Variants in ANKRD6 observed in about 807,000 individuals in gnomAD.
ANKRD6 encodes ankyrin repeat domain-containing protein 6.
A neutral mutation model predicts 82.3 loss-of-function variants in ANKRD6; 56 were observed. The ratio of observed to expected loss-of-function variants is 0.68; its 90% CI spans 0.55 to 0.85. The LOEUF (loss-of-function observed/expected upper bound fraction) is 0.85, where lower values mean the gene tolerates loss of function less well. ANKRD6 is among the 40% of genes least tolerant of loss of function. The pLI is 0.00. For synonymous variants in ANKRD6, 347 were observed against 352.1 expected (o/e 0.99, Z 0.16); for missense variants, 852 against 907.6 (o/e 0.94, Z 0.79).
At chr6:89,549,830 C>T (rs1785583731) in intron 1 of ANKRD6, among the ~76,000 whole-genome samples, 1 of 151,114 alleles carries the variant, frequency 6.6e-6, no homozygotes, top group Non-Finnish European at 1.5e-5. Context: ...TGCATAGAAA[C>T]ATCAGCTACA....
chr6:89,627,421 A>G (rs951082766), intron 13 of ANKRD6, among the ~76,000 whole-genome samples, 162 bp from the exon 14 acceptor site: 94 of 152,198 alleles, frequency 6.2e-4, no homozygotes, highest in African/African-American at 2.2e-3. Flanking sequence ...AGAATTCTGA[A>G]AGAGTTCCAT....
intron 1 of ANKRD6, among the ~76,000 whole-genome samples, chr6:89,542,938 G>T (rs1451429754): frequency 6.6e-6 from 1 of 152,156 alleles, no homozygotes; most frequent in Non-Finnish European, 1.5e-5. Flanking sequence ...TCTGTTTCTG[G>T]TCATTAAACA....
At chr6:89,518,421 G>A (rs1781490994) in intron 1 of ANKRD6, among the ~76,000 whole-genome samples, 1 of 151,094 alleles carries the variant, frequency 6.6e-6, no homozygotes, top group Non-Finnish European at 1.5e-5. Context: ...AAAAAAATAA[G>A]TATCTTATGA....
chr6:89,468,421 GT>G (rs1162751133), intron 1 of ANKRD6, among the ~76,000 whole-genome samples: 1 of 152,164 alleles, frequency 6.6e-6, no homozygotes, highest in Admixed American at 6.5e-5. Context: ...TGGTTAAGCT[GT>G]TTTTGATGGT....
At chr6:89,445,217 T>C (rs1224533614) in intron 1 of ANKRD6, among the ~76,000 whole-genome samples, 1 of 151,994 alleles carries the variant, frequency 6.6e-6, no homozygotes, top group Non-Finnish European at 1.5e-5. Flanking sequence ...CACTTTTTCT[T>C]TATTATTATG....
intron 7 of ANKRD6, among the ~76,000 whole-genome samples, chr6:89,614,572 G>A (rs2128225181): frequency 6.6e-6 from 1 of 152,274 alleles, no homozygotes; most frequent in East Asian, 1.9e-4. Context: ...CCTGAACCCA[G>A]GAGGCAGAGG....
chr6:89,476,282 TTC>T (rs1776026704), intron 1 of ANKRD6, among the ~76,000 whole-genome samples: 1 of 152,104 alleles, frequency 6.6e-6, no homozygotes, highest in Admixed American at 6.6e-5. Flanking sequence ...GCCTCCTGGG[TTC>T]AAGCAATTCT....
At chr6:89,456,285 A>C (rs1773499077) in intron 1 of ANKRD6, among the ~76,000 whole-genome samples, 1 of 152,202 alleles carries the variant, frequency 6.6e-6, no homozygotes, top group African/African-American at 2.4e-5. Flanking sequence ...GGAGGTGACA[A>C]ATATCGAACT....
intron 8 of ANKRD6, chr6:89,616,867 C>T (rs1321942452): frequency 3.0e-6 from 2 of 673,870 alleles, no homozygotes; most frequent in Non-Finnish European, 5.4e-6. Flanking sequence ...TTGGGGCCTG[C>T]TTTTAGCTGC....
At chr6:89,471,562 G>A (rs1775474880) in intron 1 of ANKRD6, among the ~76,000 whole-genome samples, 1 of 151,800 alleles carries the variant, frequency 6.6e-6, no homozygotes, top group South Asian at 2.1e-4. Flanking sequence ...AAAAGAATGT[G>A]GGAAAGAGTG....
Position 89,564,535 on chromosome 6 carries a change from A to C in ANKRD6, c.-143-2299A>C, listed in dbSNP as rs141581084. On this transcript the variant is annotated intron_variant, in intron 1 of 15. Coordinates refer to ENST00000339746, the MANE Select transcript of ANKRD6 (RefSeq NM_001242809.2). The stretch of plus-strand genomic sequence containing the variant: ...GTATCCAGGAGGCTGAATTCATTGC[A>C]TGGGACTGGAGGGTGGGAGGGGAGT... Among the ~76,000 whole-genome samples, 102 of 152,206 alleles carry C rather than the reference A, an allele frequency of 6.7e-4. 1 individual carries two copies. The highest frequency in any genetic ancestry group is 5.2e-3 in the East Asian group (27 of 5,166).
intron 1 of ANKRD6, among the ~76,000 whole-genome samples, chr6:89,453,451 T>A (rs1347754413): frequency 6.6e-6 from 1 of 152,226 alleles, no homozygotes; most frequent in Non-Finnish European, 1.5e-5. Flanking sequence ...TTCTTTTTTC[T>A]CATCATATAA....
intron 15 of ANKRD6, 175 bp downstream of exon 15, chr6:89,629,413 T>C (rs1247077703): frequency 1.2e-6 from 1 of 846,912 alleles, no homozygotes; most frequent in Non-Finnish European, 1.9e-6. Flanking sequence ...TCAGTTGCTA[T>C]GTAATAATAA....
intron 1 of ANKRD6, among the ~76,000 whole-genome samples, chr6:89,545,212 CAAAAAAAAAAAAAAAAAA>C (rs914778267): frequency 8.1e-5 from 7 of 86,370 alleles, no homozygotes; most frequent in African/African-American, 3.3e-4. Flanking sequence ...GACTCCATCT[CAAAAAAAAAAAAAAAAAA>C]GAAAAGAAAA....
intron 10 of ANKRD6, among the ~76,000 whole-genome samples, chr6:89,622,314 G>A (rs1471507117): frequency 3.9e-5 from 6 of 152,324 alleles, no homozygotes; most frequent in African/African-American, 1.2e-4. Flanking sequence ...CATGTCCTGC[G>A]GGTAGCACTG....
rs1780477113 is a variant in ANKRD6 at position 89,510,977 on chromosome 6, G to A, written c.-143-55857G>A. On this transcript the variant is annotated intron_variant, in intron 1 of 15. Transcript: ENST00000339746. Reference sequence around the variant, plus strand: ...CCCTGGACAGGGAATAAAGGGAGCGGTAGAATCACCTGCTGACAACATCTC... The same window carrying A: ...CCCTGGACAGGGAATAAAGGGAGCGATAGAATCACCTGCTGACAACATCTC... Among the ~76,000 whole-genome samples, 3 of 152,276 alleles carry A rather than the reference G, an allele frequency of 2.0e-5. No individual in the cohort carries two copies. The South Asian group carries it at 6.2e-4, about 32-fold the overall frequency.
At chr6:89,481,055 A>G (rs544275765) in intron 1 of ANKRD6, among the ~76,000 whole-genome samples, 52 of 152,258 alleles carry the variant, frequency 3.4e-4, no homozygotes, top group South Asian at 1.2e-3. Flanking sequence ...CCACAAAGAT[A>G]ACCCACCATG....
At chr6:89,557,440 G>A (rs1185297779) in intron 1 of ANKRD6, among the ~76,000 whole-genome samples, 4 of 152,192 alleles carry the variant, frequency 2.6e-5, no homozygotes, top group African/African-American at 7.2e-5. Context: ...AGAATGAGGA[G>A]AGAATGGCTC....
At chr6:89,471,867 A>G (rs1015853436) in intron 1 of ANKRD6, among the ~76,000 whole-genome samples, 1 of 134,776 alleles carries the variant, frequency 7.4e-6, no homozygotes, top group African/African-American at 2.7e-5. Context: ...TGAACCCAGG[A>G]GGCAGAGTTT....
Sources: allele counts gnomAD v4.1 joint callset (sites outside exome capture counted in the v4.1 genomes callset), GRCh38; gene constraint gnomAD v4.1.1; transcripts MANE v1.5; gene names NCBI Gene and HGNC (gene_info 2026-07-23, HGNC 2026-07-21).